The following SGK1 variants were observed in gnomAD, a reference collection of about 807,000 sequenced individuals.
SGK1 encodes the protein serine/threonine-protein kinase Sgk1.
A neutral mutation model predicts 64.2 loss-of-function variants in SGK1; 26 were observed. That is an observed-to-expected ratio of 0.40 (90% CI 0.30 to 0.56). The LOEUF (loss-of-function observed/expected upper bound fraction) is 0.56. Among genes scored for constraint, SGK1 ranks in the 20% least tolerant of loss-of-function variants. The probability of loss-of-function intolerance (pLI) is 0.38; values close to 1 mark genes in which losing one functional copy is unlikely to be tolerated. For missense variants in SGK1, 519 were observed against 645.6 expected (o/e 0.80, Z 2.12); for synonymous variants, 265 against 239.7 (o/e 1.11, Z -0.98).
intron 1 of SGK1, chr6:134,298,564 T>C (rs934866583): frequency 1.2e-6 from 1 of 852,564 alleles, no homozygotes; most frequent in African/African-American, 1.7e-5. Flanking sequence ...CCCTGGAAGC[T>C]GCTGCTGCCC....
At chr6:134,215,768 G>A (rs1044552602) in intron 2 of SGK1, among the ~76,000 whole-genome samples, 5 of 152,120 alleles carry the variant, frequency 3.3e-5, no homozygotes, top group South Asian at 2.1e-4. Context: ...TGTAATCCCA[G>A]CACTTTGGGA....
chr6:134,312,322 T>G (rs551974530), intron 1 of SGK1, among the ~76,000 whole-genome samples: 17 of 152,348 alleles, frequency 1.1e-4, no homozygotes, highest in African/African-American at 3.6e-4. Flanking sequence ...AAAGGGCCTT[T>G]GTTATTCCAA....
At chr6:134,274,163 C>T (rs991963517) in intron 1 of SGK1, among the ~76,000 whole-genome samples, 4 of 151,992 alleles carry the variant, frequency 2.6e-5, no homozygotes, top group African/African-American at 7.3e-5. Flanking sequence ...GCCACCACAC[C>T]CGGCTAATTT....
intron 2 of SGK1, among the ~76,000 whole-genome samples, chr6:134,257,795 T>C (rs1465528293): frequency 9.9e-5 from 15 of 151,848 alleles, no homozygotes; most frequent in South Asian, 8.3e-4. Context: ...TACAAAAGAG[T>C]TTTTAAAATA....
intron 3 of SGK1, among the ~76,000 whole-genome samples, chr6:134,193,961 T>C (rs1775558160): frequency 6.6e-6 from 1 of 151,906 alleles, no homozygotes; most frequent in Non-Finnish European, 1.5e-5. Flanking sequence ...GACACCAACC[T>C]TGGACAGGAG....
At chr6:134,311,520 G>A (rs1364291034) in intron 1 of SGK1, among the ~76,000 whole-genome samples, 1 of 152,082 alleles carries the variant, frequency 6.6e-6, no homozygotes, top group Admixed American at 6.6e-5. Context: ...GCATGGTGGT[G>A]CACACCTGTA....
chr6:134,297,533 C>T (rs746662810), intron 1 of SGK1: 105 of 544,560 alleles, frequency 1.9e-4, no homozygotes, highest in Middle Eastern at 5.2e-4. Flanking sequence ...GACAGAGTCT[C>T]ACTCTGTCGC....
Position 134,169,930 on chromosome 6 carries a change from G to A in SGK1, c.*338C>T, listed in dbSNP as rs1030579997. 3 of 168,672 alleles carry A rather than the reference G, an allele frequency of 1.8e-5. No individual in the cohort carries two copies. Among genetic ancestry groups the A allele is most frequent in the East Asian group, 1.6e-4 (1 of 6,276 alleles). 10.4% of individuals were successfully genotyped at this position (168,672 alleles called of 1,614,324 possible). A position where few individuals can be genotyped will look rare whatever the true frequency, so the allele number is the denominator to read the frequency against. On this transcript the variant is annotated 3_prime_UTR_variant, in exon 14 of 14. Transcript: ENST00000367858. ...AGAAAAGGCACATTTCATAATATTC[G>A]TCATCACAGCCCAGACAGATCTGCA...
chr6:134,235,203 A>G (rs1562260519), intron 2 of SGK1, among the ~76,000 whole-genome samples: 1 of 152,218 alleles, frequency 6.6e-6, no homozygotes. Flanking sequence ...GAGGTTGAGC[A>G]GTCTTTTCTA....
At chr6:134,274,386 T>G (rs979757514) in intron 1 of SGK1, among the ~76,000 whole-genome samples, 7 of 152,004 alleles carry the variant, frequency 4.6e-5, no homozygotes, top group Non-Finnish European at 8.8e-5. Flanking sequence ...CAGGAATGGA[T>G]TAGAAAAGAA....
At chr6:134,291,556 T>G (rs894231430) in intron 1 of SGK1, among the ~76,000 whole-genome samples, 1 of 152,196 alleles carries the variant, frequency 6.6e-6, no homozygotes, top group Non-Finnish European at 1.5e-5. Flanking sequence ...TAATCAGTTG[T>G]TTTTCTATTG....
chr6:134,198,705 TTC>T (rs1554220108), intron 3 of SGK1, among the ~76,000 whole-genome samples: 1 of 145,376 alleles, frequency 6.9e-6, no homozygotes, highest in Non-Finnish European at 1.5e-5. Context: ...GTGATTTTTT[TTC>T]TTCTTTTTCT....
intron 3 of SGK1, among the ~76,000 whole-genome samples, chr6:134,183,139 C>A (rs776249572): frequency 2.6e-5 from 4 of 152,108 alleles, no homozygotes; most frequent in Non-Finnish European, 5.9e-5. Flanking sequence ...TCATTCAGAT[C>A]TCTGTGGTGC....
At chr6:134,228,735 G>A (rs988604630) in intron 2 of SGK1, among the ~76,000 whole-genome samples, 1 of 152,140 alleles carries the variant, frequency 6.6e-6, no homozygotes, top group Non-Finnish European at 1.5e-5. Flanking sequence ...AAACAGATAC[G>A]GGTGTTTGCT....
chr6:134,254,837 A>G (rs374913833), intron 2 of SGK1, among the ~76,000 whole-genome samples: 1 of 152,214 alleles, frequency 6.6e-6, no homozygotes, highest in South Asian at 2.1e-4. Context: ...AGCATAATAT[A>G]CCATGGGATA....
At chr6:134,275,724 CTA>C (rs1227997409) in intron 1 of SGK1, among the ~76,000 whole-genome samples, 1 of 152,102 alleles carries the variant, frequency 6.6e-6, no homozygotes, top group Non-Finnish European at 1.5e-5. Context: ...GTCTGGACGC[CTA>C]TCTTCTATTG....
chr6:134,174,778 G>C (rs1582686942), intron 3 of SGK1, 192 bp from the exon 4 acceptor site: 4 of 1,614,184 alleles, frequency 2.5e-6, no homozygotes, highest in Non-Finnish European at 3.4e-6. Flanking sequence ...AAGTGAGGGT[G>C]CCCTTAGCAG....
chr6:134,189,225 T>TGCGC lies in SGK1; in HGVS notation c.362-14640_362-14639insGCGC, dbSNP rs778159686. Among the ~76,000 whole-genome samples, 1,040 of 143,254 alleles carry TGCGC rather than the reference T, an allele frequency of 7.3e-3. 9 individuals carry two copies. The highest frequency in any genetic ancestry group is 0.025 in the African/African-American group (986 of 39,594). The allele number at this position is 143,254 out of a possible 152,430, so 94.0% of individuals were successfully genotyped here. On this transcript the variant is annotated intron_variant, in intron 3 of 13. Coordinates refer to ENST00000367858, the MANE Select transcript of SGK1 (RefSeq NM_001143676.3). ...ATACAGGTGTGTGTGTGTGTGTGTG[T>TGCGC]GTGCGTGTGCGTGTGCATGTGTGTA...
chr6:134,264,326 A>G (rs557911714), intron 1 of SGK1, among the ~76,000 whole-genome samples: 53 of 152,000 alleles, frequency 3.5e-4, no homozygotes, highest in South Asian at 1.0e-3. Flanking sequence ...TCATCGTGTT[A>G]GCCAGGATGG....
Sources: gnomAD v4.1 joint callset for allele counts (sites outside exome capture counted in the v4.1 genomes callset) on GRCh38, gnomAD v4.1.1 for gene constraint, MANE v1.5 for transcripts, NCBI Gene and HGNC (gene_info 2026-07-23, HGNC 2026-07-21) for gene names.